The following BAZ1B variants were observed in gnomAD, a reference collection of about 807,000 sequenced individuals.
The protein encoded by BAZ1B is tyrosine-protein kinase BAZ1B.
BAZ1B carries 22 observed loss-of-function variants against 153.8 expected under a neutral mutation model. The ratio of observed to expected loss-of-function variants is 0.14; its 90% CI spans 0.10 to 0.20. The LOEUF (loss-of-function observed/expected upper bound fraction) is 0.20, where lower values mean the gene tolerates loss of function less well. Among genes scored for constraint, BAZ1B ranks in the 10% least tolerant of loss-of-function variants. BAZ1B has a pLI of 1.00. For missense variants in BAZ1B, 1,325 were observed against 1,799.3 expected, an observed-to-expected ratio of 0.74 and a Z score of 4.77; for synonymous variants, 676 against 633.4, an observed-to-expected ratio of 1.07 and a Z score of -1.01.
In BAZ1B at chr7:73,522,173, G is replaced by T; in HGVS notation, c.-240C>A. 2.5e-6 allele frequency: 1 copy of T among 395,024 alleles called. No individual in the cohort carries two copies. Among genetic ancestry groups the T allele is most frequent in the South Asian group, 1.3e-4 (1 of 7,838 alleles). The allele number at this position is 395,024 out of a possible 1,614,324, so 24.5% of individuals were successfully genotyped here. On this transcript the variant is annotated 5_prime_UTR_variant, in exon 1 of 20. Transcript: ENST00000339594. ...CCGCGCCTCCCAGCAGCCCCCCGCC[G>T]ACCTCCGCTTCGGGTCCCGGCGGCC...
At chr7:73,460,317 T>C (rs1163071251) in intron 12 of BAZ1B, among the ~76,000 whole-genome samples, 1 of 152,090 alleles carries the variant, frequency 6.6e-6, no homozygotes, top group East Asian at 1.9e-4. Flanking sequence ...CAATAATGAC[T>C]GAGTGCCTAC....
At chr7:73,516,760 C>T (rs1410524370) in intron 1 of BAZ1B, among the ~76,000 whole-genome samples, 2 of 83,756 alleles carry the variant, frequency 2.4e-5, no homozygotes, top group South Asian at 4.9e-4. Flanking sequence ...GGGCGACAGA[C>T]TGTGACTGTC....
At chr7:73,492,599 G>A (rs1554575706) in intron 5 of BAZ1B, among the ~76,000 whole-genome samples, 1 of 152,128 alleles carries the variant, frequency 6.6e-6, no homozygotes, top group Non-Finnish European at 1.5e-5. Flanking sequence ...ATAAGAAAGA[G>A]GAAAAGCATG....
At chr7:73,464,562 T>C (rs1317390818) in intron 11 of BAZ1B, among the ~76,000 whole-genome samples, 2 of 152,218 alleles carry the variant, frequency 1.3e-5, no homozygotes, top group Non-Finnish European at 2.9e-5. Context: ...TATTCTAAGA[T>C]GTTTCATTTG....
chr7:73,493,961 G>C (rs2116395452), intron 4 of BAZ1B, among the ~76,000 whole-genome samples: 1 of 152,172 alleles, frequency 6.6e-6, no homozygotes. Context: ...ATTCAAAAAG[G>C]TAAGCCAGGG....
At chr7:73,446,012 C>T (rs1047352088) in intron 16 of BAZ1B, among the ~76,000 whole-genome samples, 2 of 152,070 alleles carry the variant, frequency 1.3e-5, no homozygotes, top group Admixed American at 6.6e-5. Context: ...AGTGAACAAA[C>T]AAAAAGAGCC....
intron 5 of BAZ1B, 123 bp downstream of exon 5, chr7:73,492,677 C>T: frequency 1.0e-6 from 1 of 962,208 alleles, no homozygotes; most frequent in Non-Finnish European, 1.5e-6. Context: ...ACTACAAAAC[C>T]ACTCAGAATC....
intron 12 of BAZ1B, among the ~76,000 whole-genome samples, chr7:73,461,287 A>C (rs1290456999): frequency 3.3e-5 from 5 of 152,130 alleles, no homozygotes; most frequent in Non-Finnish European, 5.9e-5. Flanking sequence ...AACAAGACCT[A>C]TCTCTTAAAA....
chr7:73,496,976 G>C (rs1175622268), intron 4 of BAZ1B, among the ~76,000 whole-genome samples: 3 of 141,504 alleles, frequency 2.1e-5, no homozygotes, highest in African/African-American at 7.9e-5. Flanking sequence ...GTAAGACCCT[G>C]TTTCAAAAAA....
intron 4 of BAZ1B, among the ~76,000 whole-genome samples, chr7:73,494,071 T>C (rs1213276343): frequency 2.6e-5 from 4 of 151,818 alleles, no homozygotes; most frequent in African/African-American, 9.7e-5. Flanking sequence ...CTAACTACGG[T>C]GCATTTTGGA....
At position 73,472,758 on chromosome 7, in the gene BAZ1B, T is replaced by A. The variant is rs1452753680; in HGVS notation, c.2594-2275A>T. 1.6e-3 allele frequency among the ~76,000 whole-genome samples: 234 copies of A among 150,958 alleles called. 1 individual carries two copies. The highest frequency in any genetic ancestry group is 5.0e-3 in the African/African-American group (203 of 40,862). ...CAGCCAGCTAATTTATTTATTTATT[T>A]ATTTATTTATTTATTTTGAGATGGA... On this transcript the variant is annotated intron_variant, in intron 7 of 19. Coordinates refer to ENST00000339594, the MANE Select transcript of BAZ1B (RefSeq NM_032408.4).
chr7:73,514,765 G>GC (rs1275353790), intron 1 of BAZ1B, among the ~76,000 whole-genome samples: 2 of 151,904 alleles, frequency 1.3e-5, no homozygotes, highest in African/African-American at 4.8e-5. Context: ...GTGATGGAGA[G>GC]CAACAGAGGG....
chr7:73,447,386 G>A lies in BAZ1B; in HGVS notation c.3729-7C>T. 6.2e-7 allele frequency: 1 copy of A among 1,605,670 alleles called. No homozygotes were observed. Among genetic ancestry groups the A allele is most frequent in the Non-Finnish European group, 8.5e-7 (1 of 1,175,968 alleles). ...AGACTCTTCAGTATAGTTCCTGTGG[G>A]TAGAAAAAATAATGTAGGGAACACA... is the stretch of plus-strand genomic sequence containing the variant. On this transcript the variant is annotated splice_polypyrimidine_tract_variant and splice_region_variant and intron_variant, in intron 15 of 19. Transcript: ENST00000339594.
At chr7:73,498,807 T>C (rs1487390857) in intron 3 of BAZ1B, 109 bp from the exon 4 acceptor site, 5 of 933,442 alleles carry the variant, frequency 5.4e-6, no homozygotes, top group Non-Finnish European at 8.0e-6. Context: ...CAAAAGGTGA[T>C]TGAAACAGTA....
At chr7:73,492,014 G>T (rs1038395064) in intron 5 of BAZ1B, among the ~76,000 whole-genome samples, 1 of 135,758 alleles carries the variant, frequency 7.4e-6, no homozygotes, top group South Asian at 2.3e-4. Flanking sequence ...TTTTTGAGAC[G>T]GAGTCTCGCT....
chr7:73,480,040 G>A (rs994772745), intron 6 of BAZ1B, among the ~76,000 whole-genome samples: 1 of 151,804 alleles, frequency 6.6e-6, no homozygotes, highest in African/African-American at 2.4e-5. Flanking sequence ...ATGGTGGCGG[G>A]TGCCTGTAGT....
At chr7:73,448,629 G>A (rs1787922352) in intron 15 of BAZ1B, among the ~76,000 whole-genome samples, 1 of 152,208 alleles carries the variant, frequency 6.6e-6, no homozygotes, top group Non-Finnish European at 1.5e-5. Flanking sequence ...AAAGCGCAGT[G>A]AAATTTTAGC....
rs1457706689 is a variant in BAZ1B, at chr7:73,478,109, G to A, written c.1352C>T (p.Thr451Ile). ...ACCCCCAGAATTCCGTGGGGCTCGT[G>A]TCATCTTCTGCGTGCCTTTGGCCAT... ...LDMAKGTQKM[T>I]RAPRNSGGTP... is the part of the protein sequence containing the mutation. The change falls in exon 7 of 20, where the codon ACA becomes ATA. Residue 451 changes from threonine to isoleucine, a missense_variant. Thr to Ile is a moderately conservative substitution (Grantham distance 89, BLOSUM62 -1). This residue lies in a region of BAZ1B where 219 missense variants were observed against 248.2 expected (regional missense o/e 0.88). Coordinates refer to ENST00000339594, the MANE Select transcript of BAZ1B (RefSeq NM_032408.4). 3.1e-6 allele frequency: 5 copies of A among 1,614,060 alleles called. No homozygotes were observed. Among genetic ancestry groups the A allele is most frequent in the Non-Finnish European group, 4.2e-6 (5 of 1,180,052 alleles).
In BAZ1B at chr7:73,478,487, T is replaced by C. The variant is rs782817379; in HGVS notation, c.974A>G (p.Asn325Ser). 52 of 1,607,658 alleles carry C rather than the reference T, an allele frequency of 3.2e-5. No homozygotes were observed. The highest frequency in any genetic ancestry group is 4.2e-5 in the Non-Finnish European group (49 of 1,177,480). ...RKPSKKSKTD[N>S]SSLSSPLNPK... Reference sequence around the variant, plus strand: ...ATTTAGTGGTGAACTAAGAGAAGAGTTGTCTGTCTTGGATTTCTTTGAGGG... The same window carrying C: ...ATTTAGTGGTGAACTAAGAGAAGAGCTGTCTGTCTTGGATTTCTTTGAGGG... Residue 325 changes from asparagine to serine, a missense_variant, in exon 7 of 20, where the codon AAC (asparagine) becomes AGC (serine). By Grantham distance (46) the Asn-to-Ser change is conservative. Coordinates refer to ENST00000339594, the MANE Select transcript of BAZ1B (RefSeq NM_032408.4).
Sources: gnomAD v4.1 joint callset for allele counts (sites outside exome capture counted in the v4.1 genomes callset) on GRCh38, gnomAD v4.1.1 for gene constraint, gnomAD v4.1.1 regional missense constraint, MANE v1.5 for transcripts, NCBI Gene and HGNC (gene_info 2026-07-23, HGNC 2026-07-21) for gene names.